Variants in D2HGDH observed in about 807,000 individuals in gnomAD.
D2HGDH encodes D-2-hydroxyglutarate dehydrogenase, mitochondrial.
In D2HGDH, 31 loss-of-function variants were observed where a neutral mutation model predicts 46.9. That is an observed-to-expected ratio of 0.66 (90% CI 0.50 to 0.89). The LOEUF is 0.89. D2HGDH is among the 40% of genes least tolerant of loss of function. The pLI is 0.00. For missense variants in D2HGDH, 698 were observed against 720.8 expected, an observed-to-expected ratio of 0.97 and a Z score of 0.36; for synonymous variants, 364 against 332.6, an observed-to-expected ratio of 1.09 and a Z score of -1.03.
chr2:241,755,341 C>T (rs1313075260), intron 8 of D2HGDH: 49 of 1,303,990 alleles, frequency 3.8e-5, no homozygotes, highest in Non-Finnish European at 4.8e-5. Context: ...TGCTGTTGTC[C>T]CCACTGCCTG....
intron 6 of D2HGDH, chr2:241,748,896 GAGCCCGAGGCC>G: frequency 7.7e-7 from 1 of 1,298,930 alleles, no homozygotes; most frequent in Non-Finnish European, 1.0e-6. Flanking sequence ...GTGGTCCTGG[GAGCCCGAGGCC>G]AGCCCGGCTG....
chr2:241,734,970 C>A, intron 1 of D2HGDH, 163 bp from the exon 2 acceptor site: 1 of 503,018 alleles, frequency 2.0e-6, no homozygotes, highest in Non-Finnish European at 3.5e-6. Context: ...AGGCCTGCTG[C>A]GTGGGGCTTC....
At chr2:241,758,827 G>A (rs1698458988) in intron 9 of D2HGDH, among the ~76,000 whole-genome samples, 1 of 140,926 alleles carries the variant, frequency 7.1e-6, no homozygotes, top group South Asian at 2.4e-4. Context: ...CCAGACTCAT[G>A]TAGAGCCAGT....
At position 241,743,845 on chromosome 2, in the gene D2HGDH, G is replaced by T; in HGVS notation, c.684+30G>T. ...GCTGGGGCAGCTGCTTGGTGCAGAG[G>T]TCGCCACGGGGTGTCCTCTCACGGC... On this transcript the variant is annotated intron_variant, in intron 5 of 9. Transcript: ENST00000321264. This position sits in a 1 kb window ranked among gnomAD's most constrained non-coding sequence, Gnocchi z 4.8. The T allele has an allele frequency of 6.4e-7, 1 of 1,566,258 alleles. No individual in the cohort carries two copies. Among genetic ancestry groups the T allele is most frequent in the Non-Finnish European group, 8.7e-7 (1 of 1,155,484 alleles).
chr2:241,749,851 C>CA (rs371606756), intron 6 of D2HGDH: 2 of 446,168 alleles, frequency 4.5e-6, no homozygotes, highest in South Asian at 4.0e-5. Context: ...ACCAGGCGTG[C>CA]CCTGCCCCTC....
At chr2:241,755,267 C>G (rs896287343) in intron 8 of D2HGDH, 37 of 1,293,734 alleles carry the variant, frequency 2.9e-5, no homozygotes, top group Admixed American at 4.6e-5. Context: ...TCCTTCCCTC[C>G]CCTGTGGCCC....
At chr2:241,758,752 C>A (rs76180006) in intron 9 of D2HGDH, among the ~76,000 whole-genome samples, 46,597 of 148,570 alleles carry the variant, frequency 0.31, 8,531 homozygotes, top group African/African-American at 0.52. Flanking sequence ...TCTATACCGC[C>A]CCCCGCCCCA....
intron 3 of D2HGDH, 66 bp downstream of exon 3, chr2:241,741,156 C>T (rs143580480): frequency 1.9e-5 from 28 of 1,468,282 alleles, no homozygotes; most frequent in East Asian, 4.7e-5. Flanking sequence ...CTCATGGAGC[C>T]TGTGGGCAGC....
rs565955191 is a variant in D2HGDH at position 241,768,120 on chromosome 2, G to A, written c.*151G>A. The stretch of plus-strand genomic sequence containing the variant: ...TGGGAGCCCGCACTGGGGAACTGCC[G>A]GACGCAGGCCCTCGGGCAGGAGCAT... On this transcript the variant is annotated 3_prime_UTR_variant, in exon 10 of 10. Transcript: ENST00000321264. The A allele has an allele frequency of 1.5e-5, 18 of 1,204,298 alleles. No individual in the cohort carries two copies. Among genetic ancestry groups the A allele is most frequent in the Admixed American group, 1.4e-4 (5 of 35,910 alleles). 74.6% of individuals were successfully genotyped at this position (1,204,298 alleles called of 1,614,324 possible).
chr2:241,751,407 G>A lies in D2HGDH; in HGVS notation c.1140+19G>A, dbSNP rs762951301. ...AGTCAAGGTGCCCTGTGTCCTGCTT[G>A]CAGGTCCCCGCTCTCTGTCCGTCCA... On this transcript the variant is annotated intron_variant, in intron 8 of 9. Transcript: ENST00000321264. 1 of 1,612,222 alleles carries A rather than the reference G, an allele frequency of 6.2e-7. No homozygotes were observed. Among genetic ancestry groups the A allele is most frequent in the Non-Finnish European group, 8.5e-7 (1 of 1,179,878 alleles).
At chr2:241,740,081 G>C (rs1694028714) in intron 2 of D2HGDH, among the ~76,000 whole-genome samples, 1 of 152,194 alleles carries the variant, frequency 6.6e-6, no homozygotes, top group African/African-American at 2.4e-5. Flanking sequence ...GGAGGTTGAG[G>C]CTGCAGTGAG....
Position 241,756,749 on chromosome 2 carries a change from T to C in D2HGDH, c.1306+735T>C, listed in dbSNP as rs938081342. 3.3e-5 allele frequency among the ~76,000 whole-genome samples: 5 copies of C among 152,224 alleles called. No individual in the cohort carries two copies. In the East Asian group the frequency reaches 9.6e-4, roughly 29 times the overall value. ...GTTGGCCAGGCTGGTCTTGAACTCC[T>C]GACCTCTGGTGATCTGCCCACTTCG... On this transcript the variant is annotated intron_variant, in intron 9 of 9. Coordinates refer to ENST00000321264, the MANE Select transcript of D2HGDH (RefSeq NM_152783.5).
chr2:241,755,675 T>G (rs745786479), intron 8 of D2HGDH, 174 bp from the exon 9 acceptor site: 1 of 1,546,416 alleles, frequency 6.5e-7, no homozygotes, highest in South Asian at 1.2e-5. Context: ...GTCTGGGACA[T>G]TCGCTGTCTG....
At chr2:241,738,923 G>A (rs1290875053) in intron 2 of D2HGDH, among the ~76,000 whole-genome samples, 1 of 152,224 alleles carries the variant, frequency 6.6e-6, no homozygotes, top group Non-Finnish European at 1.5e-5. Flanking sequence ...GCTTGCTTTT[G>A]GAGAGAGAGC....
chr2:241,739,470 T>G (rs987251461), intron 2 of D2HGDH, among the ~76,000 whole-genome samples: 1 of 152,130 alleles, frequency 6.6e-6, no homozygotes, highest in Non-Finnish European at 1.5e-5. Context: ...AATTGCTCAT[T>G]TGATGAAAGA....
At chr2:241,744,086 C>T (rs1695248019) in intron 5 of D2HGDH, among the ~76,000 whole-genome samples, 2 of 152,204 alleles carry the variant, frequency 1.3e-5, no homozygotes, top group African/African-American at 4.8e-5. Context: ...ACCGCCCCGG[C>T]AGTGGTGGGC....
At chr2:241,744,592 C>T (rs1369509998) in intron 5 of D2HGDH, 117 bp from the exon 6 acceptor site, 3 of 1,269,232 alleles carry the variant, frequency 2.4e-6, no homozygotes, top group East Asian at 2.3e-5. Context: ...GAAAGTCCAT[C>T]CTTCAGCCTC....
chr2:241,743,920 G>A lies in D2HGDH; in HGVS notation c.684+105G>A. The A allele has an allele frequency of 1.5e-6, 2 of 1,334,832 alleles. No homozygotes were observed. The highest frequency in any genetic ancestry group is 2.1e-6 in the Non-Finnish European group (2 of 965,316). The allele number at this position is 1,334,832 out of a possible 1,614,324, so 82.7% of individuals were successfully genotyped here. A position where few individuals can be genotyped will look rare whatever the true frequency, so the allele number is the denominator to read the frequency against. On this transcript the variant is annotated intron_variant, in intron 5 of 9. Transcript: ENST00000321264. This position sits in a 1 kb window ranked among gnomAD's most constrained non-coding sequence, Gnocchi z 4.8. ...AGGTGCATGGGGCCCCTCGGGGTGGGAGGTCTTGGTTCCTGGCCCTGGGCC... is the reference window on the plus strand; with the variant it reads ...AGGTGCATGGGGCCCCTCGGGGTGGAAGGTCTTGGTTCCTGGCCCTGGGCC...
In D2HGDH at chr2:241,735,506, G is replaced by A; in HGVS notation, c.282G>A (p.Arg94=). ...AGGCTCCCAACGTGGACTGGTTGCGGACGCTGCGAGGTGGGTGAGGCTTGG... is the reference window on the plus strand; with the variant it reads ...AGGCTCCCAACGTGGACTGGTTGCGAACGCTGCGAGGTGGGTGAGGCTTGG... ...ALQAPNVDWL[R]TLRGCSKVLL... The change falls in exon 2 of 10, where the codon CGG becomes CGA. Residue 94 remains arginine, a synonymous_variant. Coordinates refer to ENST00000321264, the MANE Select transcript of D2HGDH (RefSeq NM_152783.5). The A allele has an allele frequency of 6.2e-7, 1 of 1,606,516 alleles. No individual in the cohort carries two copies. Among genetic ancestry groups the A allele is most frequent in the Non-Finnish European group, 8.5e-7 (1 of 1,179,770 alleles).
Sources: allele counts gnomAD v4.1 joint callset (sites outside exome capture counted in the v4.1 genomes callset), GRCh38; gene constraint gnomAD v4.1.1; non-coding constraint Gnocchi (gnomAD v3.1); transcripts MANE v1.5; gene names NCBI Gene and HGNC (gene_info 2026-07-23, HGNC 2026-07-21).